TDRP: variants seen among roughly 807,000 people sequenced by gnomAD.
TDRP encodes the protein testis development-related protein.
In TDRP, 12 loss-of-function variants were observed where a neutral mutation model predicts 10.5. The observed-to-expected ratio is 1.15, with a 90% CI of 0.73 to 1.86. The LOEUF is 1.86. Among genes scored for constraint, TDRP ranks in the 40% most tolerant of loss-of-function variants. TDRP has a pLI of 0.00. For synonymous variants in TDRP, 139 were observed against 95.4 expected (o/e 1.46, Z -2.67); for missense variants, 353 against 229.2 (o/e 1.54, Z -3.49).
At chr8:500,260 T>A (rs1318755794) in intron 1 of TDRP, among the ~76,000 whole-genome samples, 1 of 152,182 alleles carries the variant, frequency 6.6e-6, no homozygotes, top group East Asian at 1.9e-4. Context: ...TAAAGAAAAT[T>A]AATATCCATA....
At chr8:527,566 C>T (rs1802065835) in intron 1 of TDRP, among the ~76,000 whole-genome samples, 1 of 151,998 alleles carries the variant, frequency 6.6e-6, no homozygotes, top group Non-Finnish European at 1.5e-5. Context: ...ACACATAGGC[C>T]AATGAAAGAG....
chr8:499,717 AC>A (rs1188336735), intron 1 of TDRP, among the ~76,000 whole-genome samples: 1 of 152,220 alleles, frequency 6.6e-6, no homozygotes, highest in Non-Finnish European at 1.5e-5. Flanking sequence ...CTCGGTCTTC[AC>A]CTGAAGTCTC....
chr8:491,988 G>T lies in TDRP; in HGVS notation c.*411C>A. ...TGACTAATTTTCTAGCAAAAGAAAA[G>T]AACTGCATGACAGCTGCATTTATAC... On this transcript the variant is annotated 3_prime_UTR_variant, in exon 3 of 3. Coordinates refer to ENST00000324079, the MANE Select transcript of TDRP (RefSeq NM_001384899.1). 1 of 1,117,414 alleles carries T rather than the reference G, an allele frequency of 8.9e-7. No homozygotes were observed. The highest frequency in any genetic ancestry group is 1.1e-6 in the Non-Finnish European group (1 of 916,476). 69.2% of individuals were successfully genotyped at this position (1,117,414 alleles called of 1,614,324 possible). A position where few individuals can be genotyped will look rare whatever the true frequency, so the allele number is the denominator to read the frequency against.
intron 1 of TDRP, among the ~76,000 whole-genome samples, chr8:530,032 C>G (rs989769780): frequency 6.6e-6 from 1 of 151,962 alleles, no homozygotes; most frequent in African/African-American, 2.4e-5. Flanking sequence ...AATGGTGTGC[C>G]ATAAATCCCT....
rs1437249222 is a variant in TDRP at position 491,423 on chromosome 8, A to G, written c.*976T>C. The stretch of plus-strand genomic sequence containing the variant: ...GATCACATTGTCAAGGACAGTAAGC[A>G]GACAGAAAAAGAACGCGAGAGATGC... On this transcript the variant is annotated 3_prime_UTR_variant, in exon 3 of 3. Coordinates refer to ENST00000324079, the MANE Select transcript of TDRP (RefSeq NM_001384899.1). The G allele has an allele frequency of 2.0e-6, 1 of 502,328 alleles. No individual in the cohort carries two copies. The highest frequency in any genetic ancestry group is 3.3e-5 in the East Asian group (1 of 30,338). The allele number at this position is 502,328 out of a possible 1,614,324, so 31.1% of individuals were successfully genotyped here. A position where few individuals can be genotyped will look rare whatever the true frequency, so the allele number is the denominator to read the frequency against.
intron 1 of TDRP, among the ~76,000 whole-genome samples, chr8:518,184 T>C (rs1163618135): frequency 1.3e-5 from 2 of 152,068 alleles, no homozygotes; most frequent in African/African-American, 4.8e-5. Flanking sequence ...GAGAGGGATG[T>C]TGGTAGCAGG....
rs979722625 is a variant in TDRP at position 532,776 on chromosome 8, A to T, written c.108+11874T>A. ...GAGATTTCAAAGATCCTTTAGTCTA[A>T]ACTAAGGGTCAGCAAATAACGGCCT... On this transcript the variant is annotated intron_variant, in intron 1 of 2. Transcript: ENST00000324079. Among the ~76,000 whole-genome samples the T allele has an allele frequency of 3.9e-5, 6 of 152,294 alleles. No individual in the cohort carries two copies. The East Asian group carries it at 7.7e-4, about 20-fold the overall frequency.
At chr8:545,311 G>A (rs1284534834), upstream of TDRP, among the ~76,000 whole-genome samples, 2 of 50,246 alleles carry the variant, frequency 4.0e-5, no homozygotes, top group African/African-American at 8.5e-5. Flanking sequence ...AGCCCCCACC[G>A]AGCCCCTAGC....
At chr8:521,780 T>A (rs1225143025) in intron 1 of TDRP, among the ~76,000 whole-genome samples, 1 of 151,912 alleles carries the variant, frequency 6.6e-6, no homozygotes, top group Non-Finnish European at 1.5e-5. Flanking sequence ...GCAAAAAAAA[T>A]GCCAATGAGA....
chr8:521,077 C>A (rs1254523178), intron 1 of TDRP, among the ~76,000 whole-genome samples: 1 of 151,820 alleles, frequency 6.6e-6, no homozygotes, highest in African/African-American at 2.4e-5. Context: ...GGTCTTTAAT[C>A]TATTTTGAAT....
At chr8:537,107 A>G (rs1173002151) in intron 1 of TDRP, among the ~76,000 whole-genome samples, 1 of 152,200 alleles carries the variant, frequency 6.6e-6, no homozygotes, top group East Asian at 1.9e-4. Context: ...AGCTCCCATC[A>G]GGTGCCGTAA....
chr8:492,189 T>C lies in TDRP; in HGVS notation c.*210A>G, dbSNP rs1036846118. On this transcript the variant is annotated 3_prime_UTR_variant, in exon 3 of 3. Transcript: ENST00000324079. ...GACTGATAGGTGAATATTTCTGCAA[T>C]AAGGCAATCAAATGTACAATCCCTG... 4.0e-6 allele frequency: 5 copies of C among 1,263,914 alleles called. No homozygotes were observed. Among genetic ancestry groups the C allele is most frequent in the Non-Finnish European group, 5.0e-6 (5 of 1,007,890 alleles). 78.3% of individuals were successfully genotyped at this position (1,263,914 alleles called of 1,614,324 possible).
chr8:505,922 G>A (rs1216924664), intron 1 of TDRP, among the ~76,000 whole-genome samples: 2 of 152,134 alleles, frequency 1.3e-5, no homozygotes, highest in African/African-American at 4.8e-5. Context: ...CAACTTGCTA[G>A]CTTCACCCAG....
At chr8:498,800 A>G (rs1300646683) in intron 1 of TDRP, among the ~76,000 whole-genome samples, 1 of 152,158 alleles carries the variant, frequency 6.6e-6, no homozygotes, top group African/African-American at 2.4e-5. Context: ...TGACTGGATC[A>G]TGGAAGCGGA....
At chr8:499,380 T>C (rs1470002418) in intron 1 of TDRP, among the ~76,000 whole-genome samples, 1 of 152,172 alleles carries the variant, frequency 6.6e-6, no homozygotes, top group Admixed American at 6.5e-5. Flanking sequence ...GGGCTGGCAG[T>C]AGAACCCACA....
At chr8:543,401 T>C (rs1802552772) in intron 1 of TDRP, among the ~76,000 whole-genome samples, 1 of 152,148 alleles carries the variant, frequency 6.6e-6, no homozygotes, top group African/African-American at 2.4e-5. Context: ...CAGTTTAAAA[T>C]TCTCAAGGCT....
At chr8:524,439 CCAAA>C (rs200405278) in intron 1 of TDRP, among the ~76,000 whole-genome samples, 3,983 of 152,226 alleles carry the variant, frequency 0.026, 92 homozygotes, top group Non-Finnish European at 0.041. Flanking sequence ...CATAACCTCA[CCAAA>C]CAAACTAAAG....
At chr8:503,416 T>C (rs1184785889) in intron 1 of TDRP, among the ~76,000 whole-genome samples, 3 of 148,984 alleles carry the variant, frequency 2.0e-5, no homozygotes, top group Non-Finnish European at 4.4e-5. Context: ...CAACACGGAA[T>C]CCACAGCCAC....
intron 1 of TDRP, among the ~76,000 whole-genome samples, chr8:528,918 G>A (rs1038193058): frequency 6.6e-6 from 1 of 152,090 alleles, no homozygotes; most frequent in Non-Finnish European, 1.5e-5. Context: ...CCCACAACAG[G>A]ATGTCTGCAA....
Sources: gnomAD v4.1 joint callset for allele counts (sites outside exome capture counted in the v4.1 genomes callset) on GRCh38, gnomAD v4.1.1 for gene constraint, MANE v1.5 for transcripts, NCBI Gene and HGNC (gene_info 2026-07-23, HGNC 2026-07-21) for gene names.